CSMD3: variants seen among roughly 807,000 people sequenced by gnomAD.
The protein encoded by CSMD3 is CUB and sushi domain-containing protein 3.
CSMD3 carries 177 observed loss-of-function variants against 435.2 expected under a neutral mutation model. The observed-to-expected ratio is 0.41, with a 90% CI of 0.36 to 0.46. The LOEUF is 0.46. CSMD3 is among the 20% of genes least tolerant of loss of function. CSMD3 has a pLI of 0.34. For missense variants in CSMD3, 4,265 were observed against 4,504.6 expected (o/e 0.95, Z 1.52); for synonymous variants, 1,656 against 1,520.5 (o/e 1.09, Z -2.07).
chr8:113,048,339 C>T (rs2087933947), intron 5 of CSMD3, among the ~76,000 whole-genome samples: 1 of 152,012 alleles, frequency 6.6e-6, no homozygotes, highest in African/African-American at 2.4e-5. Flanking sequence ...GTGATCCGCC[C>T]GCCTCGGCCT....
chr8:113,000,523 C>A lies in CSMD3; in HGVS notation c.1030+18544G>T, dbSNP rs143229321. On this transcript the variant is annotated intron_variant, in intron 6 of 70. Coordinates refer to ENST00000297405, the MANE Select transcript of CSMD3 (RefSeq NM_198123.2). ...ATGCACATGTATATGTTAATTAGCC[C>A]GATTTAGTCATTCCACAATGCATTT... Among the ~76,000 whole-genome samples, 1,008 of 151,902 alleles carry A rather than the reference C, an allele frequency of 6.6e-3. 12 individuals carry two copies. The highest frequency in any genetic ancestry group is 0.023 in the African/African-American group (966 of 41,430).
intron 13 of CSMD3, among the ~76,000 whole-genome samples, chr8:112,767,396 C>T (rs1587229981): frequency 1.3e-5 from 2 of 151,720 alleles, no homozygotes; most frequent in Admixed American, 1.3e-4. Context: ...GGAAAATTAC[C>T]GACAATTTAT....
At chr8:112,879,039 C>G (rs1159018345) in intron 10 of CSMD3, among the ~76,000 whole-genome samples, 1 of 152,012 alleles carries the variant, frequency 6.6e-6, no homozygotes, top group East Asian at 1.9e-4. Context: ...GAAAGAAGAA[C>G]AGGATAACAG....
chr8:112,457,839 G>C (rs896739335), intron 32 of CSMD3, among the ~76,000 whole-genome samples: 1 of 151,966 alleles, frequency 6.6e-6, no homozygotes, highest in African/African-American at 2.4e-5. Flanking sequence ...ACTGTGTCAA[G>C]ATTGATGCTT....
intron 13 of CSMD3, 81 bp downstream of exon 13, chr8:112,800,081 G>T (rs545196327): frequency 3.2e-6 from 3 of 927,198 alleles, no homozygotes; most frequent in Non-Finnish European, 3.6e-6. Flanking sequence ...TTTTAATTTT[G>T]TAGATGCAAT....
intron 32 of CSMD3, among the ~76,000 whole-genome samples, chr8:112,451,445 G>A (rs1816257294): frequency 1.3e-5 from 2 of 151,702 alleles, no homozygotes. Context: ...AAAAGTAAAA[G>A]TTTTTTTTAC....
intron 32 of CSMD3, among the ~76,000 whole-genome samples, chr8:112,432,455 C>T (rs10955623): frequency 0.43 from 64,825 of 151,780 alleles, 14,826 homozygotes; most frequent in Middle Eastern, 0.6. Flanking sequence ...AGGTGTGAGC[C>T]ACCACACACA....
chr8:113,140,700 A>G (rs554483255), intron 4 of CSMD3, among the ~76,000 whole-genome samples: 2 of 151,252 alleles, frequency 1.3e-5, no homozygotes, highest in African/African-American at 4.8e-5. Flanking sequence ...TTTTAAAAAC[A>G]CATTAAACTA....
At chr8:112,923,761 A>C (rs969661109) in intron 9 of CSMD3, among the ~76,000 whole-genome samples, 3 of 152,108 alleles carry the variant, frequency 2.0e-5, no homozygotes, top group African/African-American at 7.2e-5. Context: ...ACATTTCCAA[A>C]AGTATTGTAA....
intron 1 of CSMD3, among the ~76,000 whole-genome samples, chr8:113,328,730 C>CTT (rs1433804259): frequency 5.3e-4 from 34 of 63,996 alleles, no homozygotes; most frequent in African/African-American, 2.5e-3. Flanking sequence ...TTCCTTCCTT[C>CTT]TTTTCTTTTT....
At chr8:113,199,146 T>A (rs190484389) in intron 3 of CSMD3, among the ~76,000 whole-genome samples, 124 of 150,728 alleles carry the variant, frequency 8.2e-4, no homozygotes, top group Admixed American at 2.1e-3. Flanking sequence ...CAACAGCACA[T>A]TGAAGACGGT....
chr8:112,423,745 T>C (rs1390733745), intron 32 of CSMD3, among the ~76,000 whole-genome samples: 2 of 152,182 alleles, frequency 1.3e-5, no homozygotes, highest in Non-Finnish European at 2.9e-5. Context: ...AAGTTGAGAC[T>C]TTTTTCTTTA....
At chr8:112,957,144 T>C (rs2084049705) in intron 7 of CSMD3, among the ~76,000 whole-genome samples, 1 of 152,092 alleles carries the variant, frequency 6.6e-6, no homozygotes, top group Admixed American at 6.5e-5. Flanking sequence ...GTATTTAATA[T>C]TACAATATAT....
intron 23 of CSMD3, among the ~76,000 whole-genome samples, chr8:112,575,046 A>C (rs1310561053): frequency 6.6e-6 from 1 of 151,892 alleles, no homozygotes; most frequent in Non-Finnish European, 1.5e-5. Context: ...TTTTTCTTAT[A>C]CTAGATTGTT....
At chr8:112,991,120 C>A (rs570577729) in intron 6 of CSMD3, among the ~76,000 whole-genome samples, 3 of 151,578 alleles carry the variant, frequency 2.0e-5, no homozygotes, top group Non-Finnish European at 4.4e-5. Flanking sequence ...TTATGAGGAC[C>A]TACTTAATCA....
intron 3 of CSMD3, among the ~76,000 whole-genome samples, chr8:113,200,625 G>A (rs1301141772): frequency 1.3e-5 from 2 of 150,968 alleles, no homozygotes; most frequent in Non-Finnish European, 3.0e-5. Flanking sequence ...TAAGTTCTGG[G>A]TTACACGTGC....
Position 112,291,826 on chromosome 8 carries a change from A to G in CSMD3, c.8789-131T>C. The G allele has an allele frequency of 6.2e-6, 4 of 643,346 alleles. No individual in the cohort carries two copies. The South Asian group carries it at 8.3e-5, about 13-fold the overall frequency. 39.9% of individuals were successfully genotyped at this position (643,346 alleles called of 1,614,324 possible). ...CAAACAACCAGATTCCAATAATAAA[A>G]TTAATCCCATGGATTATCTAGAAAA... is the stretch of plus-strand genomic sequence containing the variant. On this transcript the variant is annotated intron_variant, in intron 55 of 70. Transcript: ENST00000297405.
chr8:113,419,122 T>C (rs72673230), intron 1 of CSMD3, among the ~76,000 whole-genome samples: 3,201 of 140,980 alleles, frequency 0.023, 42 homozygotes, highest in Non-Finnish European at 0.035. Flanking sequence ...TTTTTTTTGG[T>C]TTGTTTTTTT....
intron 5 of CSMD3, among the ~76,000 whole-genome samples, chr8:113,088,320 G>A (rs1160947591): frequency 6.6e-6 from 1 of 151,294 alleles, no homozygotes; most frequent in Non-Finnish European, 1.5e-5. Flanking sequence ...CAGGGATCTA[G>A]AACTGGAAAT....
Sources: gnomAD v4.1 joint callset for allele counts (sites outside exome capture counted in the v4.1 genomes callset) on GRCh38, gnomAD v4.1.1 for gene constraint, MANE v1.5 for transcripts, NCBI Gene and HGNC (gene_info 2026-07-23, HGNC 2026-07-21) for gene names.